The following NEDD1 variants were observed in gnomAD, a reference collection of about 807,000 sequenced individuals.
NEDD1 encodes protein NEDD1.
In NEDD1, 33 loss-of-function variants were observed where a neutral mutation model predicts 74.0. The observed-to-expected ratio is 0.45, with a 90% confidence interval of 0.34 to 0.60. NEDD1 has a LOEUF of 0.60. NEDD1 is among the 20% of genes least tolerant of loss of function. NEDD1 has a pLI of 0.01. For missense variants in NEDD1, 746 were observed against 776.5 expected (o/e 0.96, Z 0.47); for synonymous variants, 250 against 264.4 (o/e 0.95, Z 0.53).
chr12:96,936,883 T>C, intron 8 of NEDD1, 71 bp downstream of exon 8: 1 of 925,662 alleles, frequency 1.1e-6, no homozygotes, highest in South Asian at 1.5e-5. Flanking sequence ...AAATTATATG[T>C]GGTCAATTAA....
chr12:96,913,012 G>T (rs538527770), intron 4 of NEDD1, among the ~76,000 whole-genome samples, 195 bp downstream of exon 4: 32 of 152,262 alleles, frequency 2.1e-4, no homozygotes, highest in African/African-American at 7.2e-4. Flanking sequence ...AAATAGTTTT[G>T]AATATAGGGG....
At position 96,953,183 on chromosome 12, in the gene NEDD1, T is replaced by A. The variant is rs773631539; in HGVS notation, c.*1130T>A. On this transcript the variant is annotated 3_prime_UTR_variant, in exon 16 of 16. Transcript: ENST00000266742. Reference sequence around the variant, plus strand: ...ATAGCTCTTCTGCCCCATTTTGACTTCTGAGATGAAAGTATTTACTAAAAT... The same window carrying A: ...ATAGCTCTTCTGCCCCATTTTGACTACTGAGATGAAAGTATTTACTAAAAT... The A allele has an allele frequency of 2.0e-5, 3 of 150,640 alleles. No individual in the cohort carries two copies. The highest frequency in any genetic ancestry group is 4.4e-5 in the Non-Finnish European group (3 of 67,422). The allele number at this position is 150,640 out of a possible 1,614,324, so 9.3% of individuals were successfully genotyped here.
intron 14 of NEDD1, among the ~76,000 whole-genome samples, chr12:96,949,878 C>G (rs1344174260): frequency 2.0e-5 from 3 of 151,852 alleles, no homozygotes; most frequent in Non-Finnish European, 4.4e-5. Flanking sequence ...AAAATCAGTT[C>G]CATGTAGATT....
At chr12:96,930,782 A>G (rs1876373041) in intron 6 of NEDD1, among the ~76,000 whole-genome samples, 1 of 152,144 alleles carries the variant, frequency 6.6e-6, no homozygotes, top group Non-Finnish European at 1.5e-5. Flanking sequence ...GACTTTTTAA[A>G]GATAGACAGT....
In NEDD1 at chr12:96,907,652, C is replaced by T; in HGVS notation, c.-213C>T. The T allele has an allele frequency of 3.9e-6, 6 of 1,550,820 alleles. No homozygotes were observed. Among genetic ancestry groups the T allele is most frequent in the Non-Finnish European group, 5.2e-6 (6 of 1,146,250 alleles). On this transcript the variant is annotated 5_prime_UTR_variant, in exon 2 of 16. Transcript: ENST00000266742. ...TAGCCTCACTTGAGCTGTTGTCCTG[C>T]AAGTAAAGTGTATTTTTGGTGATTG...
At chr12:96,945,362 A>G (rs766294065) in intron 13 of NEDD1, among the ~76,000 whole-genome samples, 6 of 151,972 alleles carry the variant, frequency 3.9e-5, no homozygotes, top group Non-Finnish European at 5.9e-5. Flanking sequence ...TTTGTTTTTA[A>G]TAGTCTTGGT....
In NEDD1 at chr12:96,936,805, T is replaced by C; in HGVS notation, c.914T>C (p.Leu305Pro). 6.3e-7 allele frequency: 1 copy of C among 1,591,872 alleles called. No individual in the cohort carries two copies. Among genetic ancestry groups the C allele is most frequent in the Non-Finnish European group, 8.6e-7 (1 of 1,161,930 alleles). The change falls in exon 8 of 16, where the codon CTT becomes CCT. Residue 305 changes from leucine (L) to proline (P), a missense_variant. This residue lies in a region of NEDD1 where 706 missense variants were observed against 706.7 expected (regional missense o/e 1.00). Transcript: ENST00000266742. ...ATAGCATTTCAGTACTCCACTGTTC[T>C]TACTAAGGTGAGACATTTTCTTTTC... ...QCIAFQYSTV[L>P]TKSSLNKGCS...
intron 10 of NEDD1, among the ~76,000 whole-genome samples, chr12:96,940,856 A>G (rs1877594569): frequency 1.3e-5 from 2 of 152,010 alleles, no homozygotes; most frequent in African/African-American, 4.8e-5. Context: ...TAATGTTCCT[A>G]AAATTTTAGA....
Position 96,952,141 on chromosome 12 carries a change from C to A in NEDD1, c.*88C>A. The A allele has an allele frequency of 1.4e-6, 1 of 705,916 alleles. No homozygotes were observed. Among genetic ancestry groups the A allele is most frequent in the Non-Finnish European group, 2.5e-6 (1 of 405,560 alleles). 43.7% of individuals were successfully genotyped at this position (705,916 alleles called of 1,614,324 possible). On this transcript the variant is annotated 3_prime_UTR_variant, in exon 16 of 16. Coordinates refer to ENST00000266742, the MANE Select transcript of NEDD1 (RefSeq NM_152905.4). The stretch of plus-strand genomic sequence containing the variant: ...AGAATCAGTATTGTTTTCATGGCCT[C>A]CAGGGAAAAAATGTTTTTCAAGTAA...
chr12:96,951,770 T>G (rs572469148), intron 15 of NEDD1, among the ~76,000 whole-genome samples, 179 bp from the exon 16 acceptor site: 1 of 151,920 alleles, frequency 6.6e-6, no homozygotes, highest in Non-Finnish European at 1.5e-5. Context: ...CCAAATATAC[T>G]AATTTCACCA....
At chr12:96,912,351 T>A (rs1174344068) in intron 3 of NEDD1, among the ~76,000 whole-genome samples, 1 of 152,158 alleles carries the variant, frequency 6.6e-6, no homozygotes, top group Non-Finnish European at 1.5e-5. Context: ...ATAAATATCT[T>A]GAACAGTTTC....
At chr12:96,907,938 C>G (rs1873501394) in intron 2 of NEDD1, 82 bp downstream of exon 2, 2 of 1,217,154 alleles carry the variant, frequency 1.6e-6, no homozygotes, top group African/African-American at 1.5e-5. Context: ...GTTGTGTTTC[C>G]TAAGTTGGAG....
At chr12:96,929,556 TACAC>T (rs71078436) in intron 6 of NEDD1, among the ~76,000 whole-genome samples, 6,998 of 127,688 alleles carry the variant, frequency 0.055, 222 homozygotes, top group Middle Eastern at 0.081. Context: ...TTTTCATGTA[TACAC>T]ACACACACAC....
intron 14 of NEDD1, among the ~76,000 whole-genome samples, chr12:96,950,679 G>A (rs1429755040): frequency 1.3e-5 from 2 of 151,686 alleles, no homozygotes; most frequent in Non-Finnish European, 3.0e-5. Flanking sequence ...TATTAAAAAA[G>A]CAAAAGCATT....
chr12:96,951,081 G>A (rs1199414090), intron 14 of NEDD1, among the ~76,000 whole-genome samples: 7 of 151,674 alleles, frequency 4.6e-5, no homozygotes, highest in African/African-American at 1.2e-4. Context: ...ATATAGTATC[G>A]GAGAGTTCAG....
chr12:96,934,094 A>AT (rs1040757307), intron 6 of NEDD1, among the ~76,000 whole-genome samples: 1 of 151,608 alleles, frequency 6.6e-6, no homozygotes, highest in Non-Finnish European at 1.5e-5. Flanking sequence ...TTGTGGTTTA[A>AT]TTTTTTTTTA....
intron 6 of NEDD1, among the ~76,000 whole-genome samples, chr12:96,929,774 C>G (rs1379488548): frequency 6.9e-6 from 1 of 144,500 alleles, no homozygotes; most frequent in Non-Finnish European, 1.5e-5. Flanking sequence ...CTGAGAGGGA[C>G]ACACTTTGGC....
chr12:96,950,424 G>T (rs1878607339), intron 14 of NEDD1, among the ~76,000 whole-genome samples: 1 of 151,876 alleles, frequency 6.6e-6, no homozygotes, highest in Admixed American at 6.6e-5. Flanking sequence ...GGCACATGTG[G>T]GTTTGGAGAT....
At chr12:96,928,601 T>C (rs938245131) in intron 6 of NEDD1, among the ~76,000 whole-genome samples, 2 of 151,972 alleles carry the variant, frequency 1.3e-5, no homozygotes, top group African/African-American at 4.8e-5. Context: ...TTTTTTTTTC[T>C]TTAAAGCCAC....
Sources: gnomAD v4.1 joint callset for allele counts (sites outside exome capture counted in the v4.1 genomes callset) on GRCh38, gnomAD v4.1.1 for gene constraint, gnomAD v4.1.1 regional missense constraint, MANE v1.5 for transcripts, NCBI Gene and HGNC (gene_info 2026-07-23, HGNC 2026-07-21) for gene names.